Variants in CAMTA1 observed in about 807,000 individuals in gnomAD.
CAMTA1 encodes the protein calmodulin binding transcription activator 1.
In CAMTA1, 27 loss-of-function variants were observed where a neutral mutation model predicts 170.9. The ratio of observed to expected loss-of-function variants is 0.16; its 90% CI spans 0.12 to 0.22. The LOEUF is 0.22. Ranked by LOEUF, CAMTA1 falls within the 10% of genes least tolerant of loss-of-function variation. The pLI, the probability that CAMTA1 is intolerant of heterozygous loss-of-function variation, is 1.00. For synonymous variants in CAMTA1, 833 were observed against 891.5 expected, an observed-to-expected ratio of 0.93 and a Z score of 1.17; for missense variants, 1,619 against 2,217.2, an observed-to-expected ratio of 0.73 and a Z score of 5.42.
At chr1:7,138,555 C>T (rs1453640635) in intron 4 of CAMTA1, among the ~76,000 whole-genome samples, 4 of 152,160 alleles carry the variant, frequency 2.6e-5, no homozygotes, top group Non-Finnish European at 1.5e-5. Flanking sequence ...TGTTTTCTCC[C>T]ATCCCGCCTC....
At chr1:7,392,601 G>T (rs1426699888) in intron 5 of CAMTA1, among the ~76,000 whole-genome samples, 2 of 12,444 alleles carry the variant, frequency 1.6e-4, no homozygotes, top group African/African-American at 7.9e-4. Flanking sequence ...GGAGGTGGGC[G>T]CAATAGCTCA....
rs112924038 is a variant in CAMTA1 at position 6,914,075 on chromosome 1, T to G, written c.234+88865T>G. 4.0e-5 allele frequency among the ~76,000 whole-genome samples: 6 copies of G among 150,516 alleles called. No homozygotes were observed. The East Asian group carries it at 9.7e-4, about 24-fold the overall frequency. ...AGCATCTGCCTCCCTCACATTAATGTAGGTTGCAAAAAGGCAGGGCTCATC... is the reference window on the plus strand; with the variant it reads ...AGCATCTGCCTCCCTCACATTAATGGAGGTTGCAAAAAGGCAGGGCTCATC... On this transcript the variant is annotated intron_variant, in intron 3 of 22. Transcript: ENST00000303635.
intron 3 of CAMTA1, among the ~76,000 whole-genome samples, chr1:6,851,556 C>A (rs1045245065): frequency 4.6e-5 from 7 of 152,098 alleles, no homozygotes; most frequent in Admixed American, 2.0e-4. Flanking sequence ...AAAATACTAC[C>A]AGAAATCTAA....
At chr1:7,616,230 C>T (rs1274080285) in intron 6 of CAMTA1, among the ~76,000 whole-genome samples, 1 of 152,222 alleles carries the variant, frequency 6.6e-6, no homozygotes, top group African/African-American at 2.4e-5. Flanking sequence ...TGCCATTGCA[C>T]AAACGGAATT....
rs142538147 is a variant in CAMTA1, at chr1:7,769,559, G to A, written c.*3068G>A. The A allele has an allele frequency of 2.6e-5, 4 of 152,872 alleles. No individual in the cohort carries two copies. The highest frequency in any genetic ancestry group is 5.9e-5 in the Non-Finnish European group (4 of 68,034). The allele number at this position is 152,872 out of a possible 1,614,324, so 9.5% of individuals were successfully genotyped here. A position where few individuals can be genotyped will look rare whatever the true frequency, so the allele number is the denominator to read the frequency against. ...TTATTTTTGTAATTGTGCATGTAAA[G>A]CATCATTGAATCAATGGATCTGTTG... On this transcript the variant is annotated 3_prime_UTR_variant, in exon 23 of 23. Coordinates refer to ENST00000303635, the MANE Select transcript of CAMTA1 (RefSeq NM_015215.4).
intron 6 of CAMTA1, among the ~76,000 whole-genome samples, chr1:7,504,305 G>A (rs752878501): frequency 2.6e-5 from 4 of 152,212 alleles, no homozygotes; most frequent in African/African-American, 7.2e-5. Flanking sequence ...TCATGGCCCC[G>A]TGGAACCCCC....
intron 5 of CAMTA1, among the ~76,000 whole-genome samples, chr1:7,277,801 TATATC>T (rs772233540): frequency 1.1e-4 from 17 of 152,046 alleles, no homozygotes; most frequent in African/African-American, 3.9e-4. Flanking sequence ...AATAAGGGGT[TATATC>T]ATATATGCTA....
intron 3 of CAMTA1, among the ~76,000 whole-genome samples, chr1:7,043,841 G>T (rs1489597062): frequency 6.6e-6 from 1 of 152,198 alleles, no homozygotes; most frequent in Non-Finnish European, 1.5e-5. Context: ...GACTGCTCAC[G>T]CACTGGTTTC....
chr1:7,003,540 A>G (rs1198253272), intron 3 of CAMTA1, among the ~76,000 whole-genome samples: 1 of 152,220 alleles, frequency 6.6e-6, no homozygotes, highest in Non-Finnish European at 1.5e-5. Context: ...TGCTGATGGA[A>G]TCCCAGCACT....
chr1:7,612,625 C>G (rs957554957), intron 6 of CAMTA1, among the ~76,000 whole-genome samples: 2 of 152,176 alleles, frequency 1.3e-5, no homozygotes, highest in Non-Finnish European at 2.9e-5. Context: ...GCCTCCTGTC[C>G]GTATCACCAC....
At chr1:7,124,044 C>T (rs2148480094) in intron 4 of CAMTA1, among the ~76,000 whole-genome samples, 1 of 152,294 alleles carries the variant, frequency 6.6e-6, no homozygotes, top group East Asian at 1.9e-4. Flanking sequence ...GGCTTGGGGG[C>T]ACAGATGTCT....
chr1:6,810,678 A>C (rs1047753115), intron 1 of CAMTA1, among the ~76,000 whole-genome samples: 1 of 152,066 alleles, frequency 6.6e-6, no homozygotes. Flanking sequence ...GGTGGCGGAC[A>C]CCTGCAGTCC....
intron 3 of CAMTA1, among the ~76,000 whole-genome samples, chr1:6,879,168 G>T (rs930331356): frequency 1.3e-5 from 2 of 152,168 alleles, no homozygotes; most frequent in African/African-American, 4.8e-5. Flanking sequence ...GTCATCAAAT[G>T]TAGAGCCTGG....
rs1706193419 is a variant in CAMTA1 at position 7,050,681 on chromosome 1, T to C, written c.235-40623T>C. Among the ~76,000 whole-genome samples, 2 of 150,304 alleles carry C rather than the reference T, an allele frequency of 1.3e-5. No individual in the cohort carries two copies. The highest frequency in any genetic ancestry group is 3.0e-5 in the Non-Finnish European group (2 of 67,678). On this transcript the variant is annotated intron_variant, in intron 3 of 22. Transcript: ENST00000303635. The surrounding 1 kb of genome is among the most constrained non-coding windows in gnomAD (Gnocchi z 4.8). ...ATTGTCTATTTCTTAGGTGAGGGAC[T>C]CCAATTTGTGGAGGCAATGGTGGGG...
At chr1:7,332,194 T>A (rs1008954245) in intron 5 of CAMTA1, among the ~76,000 whole-genome samples, 2 of 152,144 alleles carry the variant, frequency 1.3e-5, no homozygotes, top group Non-Finnish European at 2.9e-5. Flanking sequence ...GAGTTCCCTG[T>A]CAGGAGACTC....
intron 5 of CAMTA1, among the ~76,000 whole-genome samples, chr1:7,328,671 A>G (rs1029475404): frequency 2.6e-5 from 4 of 151,306 alleles, no homozygotes. Context: ...CCTTAGTAAT[A>G]TCTTTTTATT....
intron 5 of CAMTA1, among the ~76,000 whole-genome samples, chr1:7,445,099 G>A (rs2092646209): frequency 6.6e-6 from 1 of 151,678 alleles, no homozygotes; most frequent in Admixed American, 6.6e-5. Flanking sequence ...TGGGAGGTGG[G>A]AGGGGTGCCT....
intron 4 of CAMTA1, among the ~76,000 whole-genome samples, chr1:7,136,493 C>T (rs924967886): frequency 6.6e-6 from 1 of 152,012 alleles, no homozygotes; most frequent in South Asian, 2.1e-4. Context: ...TCCTATTGTT[C>T]ATACCCTATC....
chr1:7,607,062 C>T (rs11590447), intron 6 of CAMTA1, among the ~76,000 whole-genome samples: 32,496 of 151,976 alleles, frequency 0.21, 4,860 homozygotes, highest in African/African-American at 0.42. Flanking sequence ...GAAGGGAGGA[C>T]GGATGCATGG....
Sources: gnomAD v4.1 joint callset for allele counts (sites outside exome capture counted in the v4.1 genomes callset) on GRCh38, gnomAD v4.1.1 for gene constraint, Gnocchi (gnomAD v3.1) non-coding constraint, MANE v1.5 for transcripts, NCBI Gene and HGNC (gene_info 2026-07-23, HGNC 2026-07-21) for gene names.